The following CASK variants were observed in gnomAD, a reference collection of about 807,000 sequenced individuals.
The protein encoded by CASK is calcium/calmodulin dependent serine protein kinase, also known as peripheral plasma membrane protein CASK.
Under a neutral mutation model 82.9 loss-of-function variants are expected in CASK, and 4 were observed. That is an observed-to-expected ratio of 0.05 (90% CI 0.02 to 0.11). The LOEUF is 0.11. Ranked by LOEUF, CASK falls within the 10% of genes least tolerant of loss-of-function variation. The probability of loss-of-function intolerance (pLI) is 1.00; values close to 1 mark genes in which losing one functional copy is unlikely to be tolerated. For missense variants in CASK, 358 were observed against 720.9 expected (o/e 0.50, Z 5.76); for synonymous variants, 259 against 253.5 (o/e 1.02, Z -0.20).
At chrX:41,855,833 T>A (rs1443743992) in intron 1 of CASK, among the ~76,000 whole-genome samples, 1 of 112,572 alleles carries the variant, frequency 8.9e-6, no homozygotes, top group African/African-American at 3.2e-5. Context: ...GCATTTCAGA[T>A]TTAATGAAAT....
chrX:41,580,888 T>C (rs896168995), intron 14 of CASK, among the ~76,000 whole-genome samples: 2 of 112,418 alleles, frequency 1.8e-5, no homozygotes, highest in Non-Finnish European at 3.8e-5. Flanking sequence ...CACTTTCACT[T>C]TTTGTACTAT....
chrX:41,660,868 G>A (rs190075993), intron 7 of CASK, among the ~76,000 whole-genome samples: 37 of 111,395 alleles, frequency 3.3e-4, no homozygotes, highest in African/African-American at 1.2e-3. Context: ...CCTTAGCTAG[G>A]GAGACTAGAA....
At chrX:41,871,462 G>T (rs2071706869) in intron 1 of CASK, among the ~76,000 whole-genome samples, 1 of 111,900 alleles carries the variant, frequency 8.9e-6, no homozygotes, top group African/African-American at 3.2e-5. Flanking sequence ...GTCTATGTTG[G>T]TTGTTTATGC....
chrX:41,731,805 C>T (rs755941628), intron 5 of CASK, among the ~76,000 whole-genome samples: 3 of 111,004 alleles, frequency 2.7e-5, no homozygotes, highest in East Asian at 2.8e-4. Context: ...CTGTCTCTGT[C>T]GTCCAGGCTG....
At chrX:41,796,433 C>T (rs2069854871) in intron 2 of CASK, among the ~76,000 whole-genome samples, 1 of 112,078 alleles carries the variant, frequency 8.9e-6, no homozygotes, top group Admixed American at 9.4e-5. Flanking sequence ...ACCAAGAAGG[C>T]AGCAATGTGA....
At chrX:41,728,917 A>G (rs1280123779) in intron 5 of CASK, 1 of 123,323 alleles carries the variant, frequency 8.1e-6, no homozygotes, top group African/African-American at 3.2e-5. Context: ...TTCATTGACT[A>G]TATTTTTAAA....
At chrX:41,715,153 T>C (rs2068038748) in intron 5 of CASK, among the ~76,000 whole-genome samples, 1 of 112,360 alleles carries the variant, frequency 8.9e-6, no homozygotes, top group South Asian at 3.7e-4. Flanking sequence ...AAATGAACAA[T>C]AGCAAAAACC....
intron 3 of CASK, among the ~76,000 whole-genome samples, chrX:41,756,381 T>C (rs1214790112): frequency 3.6e-5 from 4 of 112,290 alleles, no homozygotes; most frequent in Non-Finnish European, 5.6e-5. Context: ...TATAGCAGCA[T>C]TGTTCACAAT....
At chrX:41,887,748 A>T (rs17315996) in intron 1 of CASK, among the ~76,000 whole-genome samples, 11,962 of 110,544 alleles carry the variant, frequency 0.11, 675 homozygotes, top group Non-Finnish European at 0.17. Context: ...ACTACTCTGA[A>T]GGCACCACCA....
At chrX:41,843,721 C>G (rs1027783275) in intron 2 of CASK, among the ~76,000 whole-genome samples, 1 of 111,334 alleles carries the variant, frequency 9.0e-6, no homozygotes, top group African/African-American at 3.3e-5. Flanking sequence ...TGGGCAACCA[C>G]TAATTTACTT....
Position 41,777,726 on chromosome X carries a change from C to A in CASK, c.278+9452G>T, listed in dbSNP as rs1021648005. On this transcript the variant is annotated intron_variant, in intron 3 of 26. Transcript: ENST00000378163. The stretch of plus-strand genomic sequence containing the variant: ...ATAGTTACATGGTTGTTCACTTCTA[C>A]AATAATTCTTTAAGTTGTATATTTA... Among the ~76,000 whole-genome samples, 7 of 110,841 alleles carry A rather than the reference C, an allele frequency of 6.3e-5. 1 individual carries two copies. The Admixed American group carries it at 6.8e-4, about 11-fold the overall frequency.
At chrX:41,868,111 A>G (rs1365616114) in intron 1 of CASK, among the ~76,000 whole-genome samples, 1 of 112,352 alleles carries the variant, frequency 8.9e-6, no homozygotes, top group Non-Finnish European at 1.9e-5. Context: ...TTAAACCAGT[A>G]AATAGACACA....
intron 12 of CASK, among the ~76,000 whole-genome samples, chrX:41,597,554 T>C (rs2147251112): frequency 8.9e-6 from 1 of 112,737 alleles, no homozygotes. Context: ...CTGGAAACAC[T>C]GACTATCTTA....
chrX:41,916,526 A>AC (rs2072693418), intron 1 of CASK, among the ~76,000 whole-genome samples: 1 of 112,039 alleles, frequency 8.9e-6, no homozygotes, highest in Non-Finnish European at 1.9e-5. Context: ...AAATGTGAGA[A>AC]CAGCACATCC....
intron 3 of CASK, among the ~76,000 whole-genome samples, chrX:41,776,630 A>T (rs971742890): frequency 8.9e-6 from 1 of 112,456 alleles, no homozygotes; most frequent in Admixed American, 9.4e-5. Context: ...ACACAAAGTT[A>T]GTACAAGGAA....
intron 3 of CASK, among the ~76,000 whole-genome samples, chrX:41,776,572 T>C (rs1486429458): frequency 4.5e-5 from 5 of 112,101 alleles, no homozygotes; most frequent in Non-Finnish European, 9.4e-5. Flanking sequence ...AAAATCCAAA[T>C]GATTCTACAG....
intron 15 of CASK, among the ~76,000 whole-genome samples, chrX:41,576,497 C>T (rs1311447805): frequency 1.8e-5 from 2 of 111,449 alleles, no homozygotes; most frequent in East Asian, 5.6e-4. Flanking sequence ...GTTAAGTAAA[C>T]CGTGCTAAGC....
chrX:41,827,834 T>C (rs1461339285), intron 2 of CASK, among the ~76,000 whole-genome samples: 1 of 111,818 alleles, frequency 8.9e-6, no homozygotes, highest in Non-Finnish European at 1.9e-5. Flanking sequence ...GTACAGAAAA[T>C]CTACTCTCCT....
At chrX:41,639,263 G>A (rs1289353718) in intron 8 of CASK, among the ~76,000 whole-genome samples, 2 of 108,854 alleles carry the variant, frequency 1.8e-5, no homozygotes, top group Middle Eastern at 4.2e-3. Context: ...TAGTAGAGAC[G>A]GGGTTTCACC....
Sources: allele counts gnomAD v4.1 joint callset (sites outside exome capture counted in the v4.1 genomes callset), GRCh38; gene constraint gnomAD v4.1.1; transcripts MANE v1.5; gene names NCBI Gene and HGNC (gene_info 2026-07-23, HGNC 2026-07-21).